Variants in TMEM117 observed in about 807,000 individuals in gnomAD.
The protein encoded by TMEM117 is transmembrane protein 117.
In TMEM117, 27 loss-of-function variants were observed where a neutral mutation model predicts 52.4. That is an observed-to-expected ratio of 0.51 (90% confidence interval 0.38 to 0.71). The LOEUF (loss-of-function observed/expected upper bound fraction) is 0.71, where lower values mean the gene tolerates loss of function less well. Ranked by LOEUF, TMEM117 falls within the 30% of genes least tolerant of loss-of-function variation. The pLI, the probability that TMEM117 is intolerant of heterozygous loss-of-function variation, is 0.00. For missense variants in TMEM117, 556 were observed against 630.5 expected, an observed-to-expected ratio of 0.88 and a Z score of 1.26; for synonymous variants, 215 against 206.3, an observed-to-expected ratio of 1.04 and a Z score of -0.36.
At chr12:44,038,448 C>T (rs139629132) in intron 3 of TMEM117, among the ~76,000 whole-genome samples, 1 of 152,334 alleles carries the variant, frequency 6.6e-6, no homozygotes, top group Non-Finnish European at 1.5e-5. Flanking sequence ...CTAAGCACCC[C>T]ACCACAGCCA....
At chr12:44,145,771 T>C (rs115148199) in intron 4 of TMEM117, among the ~76,000 whole-genome samples, 2,479 of 152,322 alleles carry the variant, frequency 0.016, 75 homozygotes, top group African/African-American at 0.056. Context: ...TAAGATGATA[T>C]GGTACATTGC....
intron 4 of TMEM117, among the ~76,000 whole-genome samples, chr12:44,203,557 G>C (rs1327698363): frequency 1.3e-5 from 2 of 152,080 alleles, no homozygotes; most frequent in Admixed American, 6.6e-5. Context: ...TTGTTAATCT[G>C]AGATCCTTTT....
intron 5 of TMEM117, among the ~76,000 whole-genome samples, chr12:44,246,506 C>T (rs763630497): frequency 8.5e-5 from 13 of 152,088 alleles, no homozygotes; most frequent in Non-Finnish European, 1.8e-4. Context: ...TTTTAAAAAG[C>T]CAATTCAGAT....
At chr12:44,070,053 C>A (rs769723848) in intron 3 of TMEM117, among the ~76,000 whole-genome samples, 6 of 152,116 alleles carry the variant, frequency 3.9e-5, no homozygotes, top group Non-Finnish European at 7.4e-5. Flanking sequence ...CCATGCTTGG[C>A]TAATTATTTG....
intron 5 of TMEM117, among the ~76,000 whole-genome samples, chr12:44,237,145 G>C (rs1043186853): frequency 6.6e-6 from 1 of 151,946 alleles, no homozygotes; most frequent in Admixed American, 6.6e-5. Context: ...TAGTTTTTCA[G>C]CAAGGGGTTT....
chr12:43,804,578 GA>G, the TMEM117 span: 1 of 1,585,134 alleles, frequency 6.3e-7, no homozygotes, highest in African/African-American at 1.4e-5. Context: ...ACTTGCTGTG[GA>G]AAAAGATAAA....
At chr12:44,279,179 T>C (rs918752320) in intron 5 of TMEM117, among the ~76,000 whole-genome samples, 20 of 152,238 alleles carry the variant, frequency 1.3e-4, no homozygotes, top group African/African-American at 4.8e-4. Flanking sequence ...CTGAGAAATA[T>C]GTTTCTACAA....
chr12:43,944,019 C>T (rs773444001), intron 2 of TMEM117, among the ~76,000 whole-genome samples, 191 bp from the exon 3 acceptor site: 19 of 152,080 alleles, frequency 1.2e-4, no homozygotes, highest in Non-Finnish European at 2.6e-4. Flanking sequence ...GGATCGTCTT[C>T]GACTTTATTT....
intron 2 of TMEM117, among the ~76,000 whole-genome samples, chr12:43,912,887 A>T (rs780381935): frequency 6.6e-6 from 1 of 152,108 alleles, no homozygotes; most frequent in Non-Finnish European, 1.5e-5. Flanking sequence ...TTTTTGCATG[A>T]CTTTAAAAAT....
intron 5 of TMEM117, among the ~76,000 whole-genome samples, chr12:44,215,880 T>G (rs552794841): frequency 1.1e-3 from 167 of 152,216 alleles, no homozygotes; most frequent in African/African-American, 3.8e-3. Flanking sequence ...CTCCCCCCTC[T>G]GATTACATGA....
chr12:44,353,026 T>A (rs992572411), intron 6 of TMEM117, among the ~76,000 whole-genome samples: 2 of 152,172 alleles, frequency 1.3e-5, no homozygotes, highest in African/African-American at 4.8e-5. Flanking sequence ...TGGTTTTGAT[T>A]TGCATTTCTC....
At chr12:43,851,025 T>A (rs945470499) in intron 2 of TMEM117, among the ~76,000 whole-genome samples, 5 of 152,322 alleles carry the variant, frequency 3.3e-5, no homozygotes, top group Admixed American at 1.3e-4. Flanking sequence ...TTCTTTTTTT[T>A]ATATAATTCT....
At chr12:43,817,477 A>G in the TMEM117 span, among the ~76,000 whole-genome samples, 1 of 152,204 alleles carries the variant, frequency 6.6e-6, no homozygotes, top group Non-Finnish European at 1.5e-5. Context: ...AATGACTGGA[A>G]TGAGCTTAGG....
At chr12:44,188,075 ATAACCT>A in intron 4 of TMEM117, among the ~76,000 whole-genome samples, 1 of 152,280 alleles carries the variant, frequency 6.6e-6, no homozygotes, top group East Asian at 1.9e-4. Context: ...ATAGTTGTAG[ATAACCT>A]TAATGAGGCA....
chr12:43,970,045 A>C (rs1355629141), intron 3 of TMEM117, among the ~76,000 whole-genome samples: 2 of 152,186 alleles, frequency 1.3e-5, no homozygotes, highest in Non-Finnish European at 2.9e-5. Flanking sequence ...AGTCATTCTT[A>C]GTAGCTTGAT....
intron 6 of TMEM117, among the ~76,000 whole-genome samples, chr12:44,375,110 T>G (rs1364034632): frequency 6.6e-6 from 1 of 152,188 alleles, no homozygotes; most frequent in Non-Finnish European, 1.5e-5. Context: ...AAATGCACGT[T>G]AACCTCAGCA....
intron 2 of TMEM117, among the ~76,000 whole-genome samples, chr12:43,858,834 C>G (rs967070430): frequency 6.6e-6 from 1 of 152,174 alleles, no homozygotes; most frequent in African/African-American, 2.4e-5. Context: ...TCAACATCAT[C>G]ATTGACAAAT....
At chr12:44,008,615 A>G (rs1185612580) in intron 3 of TMEM117, 7 of 210,732 alleles carry the variant, frequency 3.3e-5, no homozygotes, top group Non-Finnish European at 6.6e-5. Context: ...TCTATGTGGT[A>G]ACTCTCAGTT....
At chr12:44,122,573 C>G (rs1948255256) in intron 3 of TMEM117, among the ~76,000 whole-genome samples, 1 of 152,128 alleles carries the variant, frequency 6.6e-6, no homozygotes, top group Non-Finnish European at 1.5e-5. Context: ...CACCTCCCAC[C>G]CTCTGAGAGG....
Sources: gnomAD v4.1 joint callset for allele counts (sites outside exome capture counted in the v4.1 genomes callset) on GRCh38, gnomAD v4.1.1 for gene constraint, MANE v1.5 for transcripts, NCBI Gene and HGNC (gene_info 2026-07-23, HGNC 2026-07-21) for gene names.